The following PLD5 variants were observed in gnomAD, a reference collection of about 807,000 sequenced individuals.
The protein encoded by PLD5 is phospholipase D family member 5, also known as inactive phospholipase D5.
Under a neutral mutation model 61.1 loss-of-function variants are expected in PLD5, and 36 were observed. That is an observed-to-expected ratio of 0.59 (90% CI 0.45 to 0.78). PLD5 has a LOEUF of 0.78. PLD5 is among the 30% of genes least tolerant of loss of function. PLD5 has a pLI of 0.00. For synonymous variants in PLD5, 243 were observed against 242.8 expected (o/e 1.00, Z -0.01); for missense variants, 515 against 644.4 (o/e 0.80, Z 2.17).
At chr1:242,184,570 T>C (rs1667753783) in intron 5 of PLD5, among the ~76,000 whole-genome samples, 2 of 152,158 alleles carry the variant, frequency 1.3e-5, no homozygotes, top group South Asian at 2.1e-4. Flanking sequence ...GGTTTTGCCC[T>C]GTCGGCCAGG....
chr1:242,469,108 T>C (rs1572202161), intron 1 of PLD5, among the ~76,000 whole-genome samples: 1 of 152,336 alleles, frequency 6.6e-6, no homozygotes, highest in East Asian at 1.9e-4. Context: ...TGCCTCTTTG[T>C]TTACTACTTT....
At chr1:242,519,721 G>A (rs1319168809) in intron 1 of PLD5, among the ~76,000 whole-genome samples, 1 of 152,144 alleles carries the variant, frequency 6.6e-6, no homozygotes, top group Non-Finnish European at 1.5e-5. Context: ...GCAAGCAAGG[G>A]CCCCACTAGC....
Position 242,147,484 on chromosome 1 carries a change from A to G in PLD5, c.736-22819T>C, listed in dbSNP as rs549026829. 28 of 152,322 alleles carry G rather than the reference A, an allele frequency of 1.8e-4. 2 individuals carry two copies. Among genetic ancestry groups the G allele is most frequent in the Admixed American group, 1.7e-3 (26 of 15,296 alleles). The allele number at this position is 152,322 out of a possible 1,614,324, so 9.4% of individuals were successfully genotyped here. ...AAAGCTGCTGCAAACATTCATGTGC[A>G]TATTTTCGTGAGGATGTAGTTTTCA... is the stretch of plus-strand genomic sequence containing the variant. On this transcript the variant is annotated intron_variant, in intron 5 of 9. Transcript: ENST00000536534.
chr1:242,376,173 A>T (rs1449767190), intron 1 of PLD5, among the ~76,000 whole-genome samples: 1 of 152,178 alleles, frequency 6.6e-6, no homozygotes, highest in Non-Finnish European at 1.5e-5. Flanking sequence ...TGCTGAGAAA[A>T]CAAGTCCCAT....
intron 5 of PLD5, among the ~76,000 whole-genome samples, chr1:242,154,354 C>T (rs1665174732): frequency 6.6e-6 from 1 of 152,076 alleles, no homozygotes; most frequent in South Asian, 2.1e-4. Context: ...TGCCTGATTG[C>T]CCTGGCCAGG....
chr1:242,200,477 A>G (rs962631909), intron 5 of PLD5, among the ~76,000 whole-genome samples: 2 of 152,202 alleles, frequency 1.3e-5, no homozygotes, highest in Non-Finnish European at 2.9e-5. Context: ...CTTTCTGCAT[A>G]CTTTTTGGTT....
intron 5 of PLD5, among the ~76,000 whole-genome samples, chr1:242,140,199 A>G (rs1010865314): frequency 6.6e-6 from 1 of 152,224 alleles, no homozygotes; most frequent in Non-Finnish European, 1.5e-5. Context: ...TCTTCAAACA[A>G]TGCCCATATC....
Position 242,294,942 on chromosome 1 carries a change from A to G in PLD5, c.327-6412T>C, listed in dbSNP as rs145249871. On this transcript the variant is annotated intron_variant, in intron 2 of 9. Transcript: ENST00000536534. Reference sequence around the variant, plus strand: ...ACTGTGAGCTTTCTTTTGTTGCCTAATGCACTGGATCAGTTATCAGGACCT... The same window carrying G: ...ACTGTGAGCTTTCTTTTGTTGCCTAGTGCACTGGATCAGTTATCAGGACCT... 6.4e-3 allele frequency among the ~76,000 whole-genome samples: 974 copies of G among 152,322 alleles called. 10 individuals are homozygous for G. Among genetic ancestry groups the G allele is most frequent in the African/African-American group, 0.022 (916 of 41,566 alleles).
intron 2 of PLD5, among the ~76,000 whole-genome samples, chr1:242,335,165 C>T (rs1403527188): frequency 6.6e-6 from 1 of 151,694 alleles, no homozygotes; most frequent in Non-Finnish European, 1.5e-5. Context: ...GCCACTGAAA[C>T]CAAGAGGTCA....
intron 5 of PLD5, among the ~76,000 whole-genome samples, chr1:242,184,239 C>T (rs1464323824): frequency 3.3e-5 from 5 of 152,156 alleles, no homozygotes; most frequent in South Asian, 2.1e-4. Context: ...TAATAGCTTC[C>T]GTGGTGACCA....
intron 4 of PLD5, among the ~76,000 whole-genome samples, chr1:242,239,177 A>G (rs767174929): frequency 1.1e-4 from 16 of 152,154 alleles, no homozygotes; most frequent in Admixed American, 3.9e-4. Flanking sequence ...ATTCATTTGA[A>G]ATCCCCCATT....
chr1:242,364,347 T>A (rs1333925258), intron 1 of PLD5, among the ~76,000 whole-genome samples: 2 of 152,214 alleles, frequency 1.3e-5, no homozygotes, highest in East Asian at 1.9e-4. Flanking sequence ...ATAGAATTCC[T>A]TTATTTAAGA....
intron 1 of PLD5, among the ~76,000 whole-genome samples, chr1:242,452,100 G>A (rs1440000540): frequency 6.6e-6 from 1 of 152,108 alleles, no homozygotes; most frequent in Non-Finnish European, 1.5e-5. Context: ...CATTAATCAC[G>A]GGGGCGCACC....
intron 4 of PLD5, among the ~76,000 whole-genome samples, chr1:242,244,701 T>C (rs560018677): frequency 1.3e-5 from 2 of 152,318 alleles, no homozygotes; most frequent in South Asian, 2.1e-4. Flanking sequence ...GAGCTCACCA[T>C]TGTTCTGAGA....
intron 1 of PLD5, among the ~76,000 whole-genome samples, chr1:242,468,437 A>C (rs1216921087): frequency 6.6e-6 from 1 of 152,194 alleles, no homozygotes; most frequent in African/African-American, 2.4e-5. Context: ...AAAGTAAAAT[A>C]GAATAGCCTT....
At chr1:242,182,727 C>A (rs557526517) in intron 5 of PLD5, among the ~76,000 whole-genome samples, 215 of 152,262 alleles carry the variant, frequency 1.4e-3, no homozygotes, top group African/African-American at 4.8e-3. Context: ...CCCGAAATCC[C>A]AGCTACTTGG....
chr1:242,374,431 G>A (rs560211830), intron 1 of PLD5, among the ~76,000 whole-genome samples: 1 of 152,082 alleles, frequency 6.6e-6, no homozygotes, highest in South Asian at 2.1e-4. Flanking sequence ...TCTAAATGAA[G>A]CCCTCAGAGA....
At chr1:242,378,393 A>G (rs1662086340) in intron 1 of PLD5, among the ~76,000 whole-genome samples, 1 of 152,198 alleles carries the variant, frequency 6.6e-6, no homozygotes, top group Non-Finnish European at 1.5e-5. Context: ...ATGGGTATAG[A>G]ATTTCAGGTC....
intron 3 of PLD5, among the ~76,000 whole-genome samples, chr1:242,273,918 G>A (rs1191028704): frequency 6.6e-6 from 1 of 152,174 alleles, no homozygotes; most frequent in Non-Finnish European, 1.5e-5. Flanking sequence ...GAGGAATGCT[G>A]GCAGGCTCTG....
Sources: gnomAD v4.1 joint callset for allele counts (sites outside exome capture counted in the v4.1 genomes callset) on GRCh38, gnomAD v4.1.1 for gene constraint, MANE v1.5 for transcripts, NCBI Gene and HGNC (gene_info 2026-07-23, HGNC 2026-07-21) for gene names.